Variants in RMDN2 observed in about 807,000 individuals in gnomAD.
RMDN2 encodes the protein regulator of microtubule dynamics 2.
A neutral mutation model predicts 52.8 loss-of-function variants in RMDN2; 61 were observed. The ratio of observed to expected loss-of-function variants is 1.16; its 90% confidence interval spans 0.94 to 1.43. The LOEUF (loss-of-function observed/expected upper bound fraction) is 1.43. Among genes scored for constraint, RMDN2 ranks in the 40% most tolerant of loss-of-function variants. The probability of loss-of-function intolerance (pLI) is 0.00; values close to 1 mark genes in which losing one functional copy is unlikely to be tolerated. For synonymous variants in RMDN2, 180 were observed against 153.1 expected, an observed-to-expected ratio of 1.18 and a Z score of -1.30; for missense variants, 592 against 475.3, an observed-to-expected ratio of 1.25 and a Z score of -2.28.
At chr2:37,962,446 GT>G (rs780785406) in intron 2 of RMDN2, among the ~76,000 whole-genome samples, 13 of 152,212 alleles carry the variant, frequency 8.5e-5, no homozygotes, top group Non-Finnish European at 1.6e-4. Context: ...CTGCACTGCA[GT>G]GGGCTCCACC....
intron 2 of RMDN2, among the ~76,000 whole-genome samples, chr2:37,947,545 A>G (rs1029108377): frequency 5.9e-5 from 9 of 152,206 alleles, no homozygotes; most frequent in African/African-American, 2.2e-4. Flanking sequence ...TGGAGAGTTT[A>G]ATGTTGTAAT....
At chr2:38,019,651 T>C (rs1385013466), downstream of RMDN2, among the ~76,000 whole-genome samples, 1 of 152,204 alleles carries the variant, frequency 6.6e-6, no homozygotes, top group Non-Finnish European at 1.5e-5. Context: ...CTGTCATATC[T>C]GTATTCCTCA....
Position 37,971,980 on chromosome 2 carries a change from C to T in RMDN2, c.453-2060C>T, listed in dbSNP as rs190771515. ...GATATTGGGTCTTCTAAACCATGAA[C>T]GTGATATATTTCTCCATGAATTTAG... On this transcript the variant is annotated intron_variant, in intron 2 of 10. Coordinates refer to ENST00000354545, the MANE Select transcript of RMDN2 (RefSeq NM_001170791.3). 1.9e-3 allele frequency among the ~76,000 whole-genome samples: 296 copies of T among 152,228 alleles called. 2 individuals are homozygous for T. Among genetic ancestry groups the T allele is most frequent in the South Asian group, 6.2e-3 (30 of 4,826 alleles).
At chr2:38,023,245 C>T (rs1460267847) in intron 10 of RMDN2, among the ~76,000 whole-genome samples, 1 of 152,034 alleles carries the variant, frequency 6.6e-6, no homozygotes, top group Non-Finnish European at 1.5e-5. Context: ...CTGTGGTCAG[C>T]CACTGTACAA....
intron 7 of RMDN2, among the ~76,000 whole-genome samples, chr2:37,995,599 G>A (rs1273298445): frequency 4.6e-5 from 7 of 152,104 alleles, no homozygotes; most frequent in Non-Finnish European, 1.5e-5. Flanking sequence ...AAACAAAAAT[G>A]TATTAGTTTG....
intron 2 of RMDN2, among the ~76,000 whole-genome samples, chr2:37,970,817 A>G (rs1384846317): frequency 6.6e-6 from 1 of 152,096 alleles, no homozygotes; most frequent in Non-Finnish European, 1.5e-5. Context: ...GCTGTATATT[A>G]TTTGTTACCA....
chr2:37,951,426 T>A (rs768819143), intron 2 of RMDN2: 1 of 1,612,908 alleles, frequency 6.2e-7, no homozygotes, highest in Non-Finnish European at 8.5e-7. Context: ...ATCAAGTCCA[T>A]CTTTCTCTGA....
At chr2:38,013,391 G>T (rs1678278307) in intron 10 of RMDN2, among the ~76,000 whole-genome samples, 1 of 152,174 alleles carries the variant, frequency 6.6e-6, no homozygotes, top group Non-Finnish European at 1.5e-5. Flanking sequence ...ACCTTTCTAA[G>T]ACAAACAGAC....
intron 2 of RMDN2, among the ~76,000 whole-genome samples, chr2:37,944,589 G>A (rs1340426242): frequency 6.6e-6 from 1 of 152,198 alleles, no homozygotes; most frequent in African/African-American, 2.4e-5. Context: ...ACTGAACTGT[G>A]TTTACCGGAT....
chr2:38,017,755 C>T, downstream of RMDN2: 1 of 324,076 alleles, frequency 3.1e-6, no homozygotes, highest in South Asian at 3.0e-5. Flanking sequence ...CTAGCTTTCA[C>T]TCGTGTCCAT....
chr2:38,015,584 A>G (rs115244565), intron 10 of RMDN2, among the ~76,000 whole-genome samples: 2,697 of 152,134 alleles, frequency 0.018, 71 homozygotes, highest in African/African-American at 0.062. Flanking sequence ...AAAAAGAAAA[A>G]AAAGGAAATG....
In RMDN2 at chr2:38,000,577, T is replaced by G. The variant is rs538424152; in HGVS notation, c.1044+3063T>G. On this transcript the variant is annotated intron_variant, in intron 8 of 10. Coordinates refer to ENST00000354545, the MANE Select transcript of RMDN2 (RefSeq NM_001170791.3). Reference sequence around the variant, plus strand: ...AAATTAGTTTTGCCCATTCTAAAATTTAATATAAATGGAATCATACAACAT... The same window carrying G: ...AAATTAGTTTTGCCCATTCTAAAATGTAATATAAATGGAATCATACAACAT... Among the ~76,000 whole-genome samples the G allele has an allele frequency of 1.7e-3, 253 of 152,354 alleles. 4 individuals are homozygous for G. The highest frequency in any genetic ancestry group is 5.3e-3 in the African/African-American group (222 of 41,578).
rs1395664129 is a variant in RMDN2 at position 37,989,619 on chromosome 2, A to AT, written c.867+6dup. Reference sequence around the variant, plus strand: ...TCAACTATGGGCACCTCTTCAAGGTATTTCTTTTTTTTTTTTCATATTTCT... The same window carrying AT: ...TCAACTATGGGCACCTCTTCAAGGTATTTTCTTTTTTTTTTTTCATATTTCT... On this transcript the variant is annotated splice_donor_region_variant and intron_variant, in intron 6 of 10. Coordinates refer to ENST00000354545, the MANE Select transcript of RMDN2 (RefSeq NM_001170791.3). 3 of 1,555,934 alleles carry AT rather than the reference A, an allele frequency of 1.9e-6. No individual in the cohort carries two copies. The highest frequency in any genetic ancestry group is 1.4e-5 in the African/African-American group (1 of 71,624).
At chr2:37,958,771 G>C (rs979317999) in intron 2 of RMDN2, among the ~76,000 whole-genome samples, 1 of 150,716 alleles carries the variant, frequency 6.6e-6, no homozygotes, top group East Asian at 1.9e-4. Flanking sequence ...ATTGGCTGTG[G>C]GTTTGTCACA....
chr2:38,064,489 CAA>C (rs543939040), intron 10 of RMDN2, among the ~76,000 whole-genome samples: 2 of 133,918 alleles, frequency 1.5e-5, no homozygotes, highest in African/African-American at 2.8e-5. Flanking sequence ...GACTCCATCT[CAA>C]AAAAAAAAAG....
intron 2 of RMDN2, among the ~76,000 whole-genome samples, chr2:37,938,627 G>A (rs1008556424): frequency 1.3e-5 from 2 of 152,148 alleles, no homozygotes; most frequent in Non-Finnish European, 2.9e-5. Flanking sequence ...TCTTGGGAGG[G>A]TGTATGTGTC....
chr2:38,058,601 G>A (rs1681929361), intron 10 of RMDN2, among the ~76,000 whole-genome samples: 1 of 152,212 alleles, frequency 6.6e-6, no homozygotes, highest in Non-Finnish European at 1.5e-5. Flanking sequence ...CCATAGCTTT[G>A]AATTTCCTTG....
intron 10 of RMDN2, among the ~76,000 whole-genome samples, chr2:38,009,829 A>G (rs1677689374): frequency 6.6e-6 from 1 of 151,590 alleles, no homozygotes. Context: ...TTTTTTCCCC[A>G]TCTTTGTGGT....
At chr2:38,009,056 G>C (rs1234172745) in intron 10 of RMDN2, among the ~76,000 whole-genome samples, 1 of 152,208 alleles carries the variant, frequency 6.6e-6, no homozygotes, top group Non-Finnish European at 1.5e-5. Context: ...GGCTTGTAGA[G>C]TTTCTGCTGA....
Sources: gnomAD v4.1 joint callset for allele counts (sites outside exome capture counted in the v4.1 genomes callset) on GRCh38, gnomAD v4.1.1 for gene constraint, MANE v1.5 for transcripts, NCBI Gene and HGNC (gene_info 2026-07-23, HGNC 2026-07-21) for gene names.